The following LARP4 variants were observed in gnomAD, a reference collection of about 807,000 sequenced individuals.
LARP4 encodes La ribonucleoprotein 4.
A neutral mutation model predicts 92.9 loss-of-function variants in LARP4; 29 were observed. That is an observed-to-expected ratio of 0.31 (90% CI 0.23 to 0.43). LARP4 has a LOEUF of 0.43. Among genes scored for constraint, LARP4 ranks in the 20% least tolerant of loss-of-function variants. The pLI is 1.00. For missense variants in LARP4, 732 were observed against 860.0 expected (o/e 0.85, Z 1.86); for synonymous variants, 279 against 284.1 (o/e 0.98, Z 0.18).
chr12:50,472,358 A>C (rs534698846), intron 13 of LARP4, among the ~76,000 whole-genome samples: 1 of 152,304 alleles, frequency 6.6e-6, no homozygotes, highest in East Asian at 1.9e-4. Context: ...AGCAGCCACT[A>C]TTCTACTTTC....
At chr12:50,432,353 C>G (rs1043508911) in intron 4 of LARP4, among the ~76,000 whole-genome samples, 1 of 152,148 alleles carries the variant, frequency 6.6e-6, no homozygotes, top group African/African-American at 2.4e-5. Context: ...CAATCAGGAA[C>G]TGAGCTAGGT....
At chr12:50,446,388 T>TCCCCCCC (rs1952111199) in intron 8 of LARP4, among the ~76,000 whole-genome samples, 3 of 4,750 alleles carry the variant, frequency 6.3e-4, no homozygotes, top group Admixed American at 3.5e-3. Flanking sequence ...TCTCTCTCTC[T>TCCCCCCC]CTCTCTCTCT....
intron 4 of LARP4, among the ~76,000 whole-genome samples, chr12:50,431,988 A>G (rs1949727663): frequency 6.6e-6 from 1 of 152,164 alleles, no homozygotes; most frequent in South Asian, 2.1e-4. Flanking sequence ...AAATACAAAA[A>G]TTAGCGGGGT....
chr12:50,457,539 TG>T, intron 10 of LARP4, among the ~76,000 whole-genome samples: 1 of 152,134 alleles, frequency 6.6e-6, no homozygotes, highest in Admixed American at 6.5e-5. Context: ...TTATAGCCAG[TG>T]GGGTGGCTCA....
chr12:50,415,329 C>T (rs1401753417), intron 1 of LARP4, among the ~76,000 whole-genome samples: 1 of 152,066 alleles, frequency 6.6e-6, no homozygotes, highest in Non-Finnish European at 1.5e-5. Flanking sequence ...AGATCTTACA[C>T]TTTGAGTATT....
chr12:50,433,217 A>G (rs1949936026), intron 4 of LARP4, among the ~76,000 whole-genome samples: 1 of 150,886 alleles, frequency 6.6e-6, no homozygotes. Context: ...GGGGCATTTT[A>G]GTCATTTTGT....
chr12:50,448,583 G>T (rs917926388), intron 8 of LARP4, among the ~76,000 whole-genome samples: 11 of 152,090 alleles, frequency 7.2e-5, no homozygotes, highest in African/African-American at 2.7e-4. Context: ...CTGGAGTGAA[G>T]TGTGGTCTTG....
In LARP4 at chr12:50,467,010, T is replaced by A. The variant is rs1379165765; in HGVS notation, c.1435T>A (p.Leu479Ile). 1 of 1,613,576 alleles carries A rather than the reference T, an allele frequency of 6.2e-7. No homozygotes were observed. The highest frequency in any genetic ancestry group is 8.5e-7 in the Non-Finnish European group (1 of 1,179,784). The change falls in exon 13 of 16, where the codon TTA (leucine) becomes ATA (isoleucine). Residue 479 changes from leucine to isoleucine, a missense_variant. Physicochemically the swap from Leu to Ile is conservative, Grantham distance 5. Coordinates refer to ENST00000398473, the MANE Select transcript of LARP4 (RefSeq NM_052879.5). ...ESKAPTPKFD[L>I]LASNFPPLPG... The stretch of plus-strand genomic sequence containing the variant: ...AAAGGCTCCAACACCAAAGTTTGAC[T>A]TATTAGCCTCAAATTTTCCACCTTT...
At chr12:50,437,860 A>G in intron 6 of LARP4, 22 bp downstream of exon 6, 1 of 1,378,804 alleles carries the variant, frequency 7.3e-7, no homozygotes. Context: ...ATAATTGTTA[A>G]CACTAAATGT....
At chr12:50,422,803 T>C (rs1948036097) in intron 1 of LARP4, among the ~76,000 whole-genome samples, 1 of 141,380 alleles carries the variant, frequency 7.1e-6, no homozygotes, top group East Asian at 2.0e-4. Flanking sequence ...TTATTATTAT[T>C]ATTATTATTA....
rs1956265564 is a variant in LARP4 at position 50,467,267 on chromosome 12, T to G, written c.1545+147T>G. The G allele has an allele frequency of 1.8e-5, 10 of 565,190 alleles. No homozygotes were observed. The South Asian group carries it at 4.4e-4, about 25-fold the overall frequency. The allele number at this position is 565,190 out of a possible 1,614,324, so 35.0% of individuals were successfully genotyped here. A position where few individuals can be genotyped will look rare whatever the true frequency, so the allele number is the denominator to read the frequency against. On this transcript the variant is annotated intron_variant, in intron 13 of 15. Coordinates refer to ENST00000398473, the MANE Select transcript of LARP4 (RefSeq NM_052879.5). ...GTTTTCAGCATACTTAGAGTGTTTT[T>G]TTAAAGATTCATGATGAAGCTGCAC...
rs371625011 is a variant in LARP4 at position 50,453,665 on chromosome 12, C to T, written c.1010C>T (p.Thr337Ile). 52 of 1,578,262 alleles carry T rather than the reference C, an allele frequency of 3.3e-5. No individual in the cohort carries two copies. Among genetic ancestry groups the T allele is most frequent in the Non-Finnish European group, 4.3e-5 (49 of 1,149,802 alleles). ...CCAAATCCTACACCTTACTTTGAAA[C>T]ACCACTGGTAAGTGAGATCCTTACA... The part of the protein sequence containing the change: ...WSPNPTPYFE[T>I]PLAPFPNGSF... The change falls in exon 9 of 16, where the codon ACA (threonine) becomes ATA (isoleucine). Residue 337 changes from threonine (T) to isoleucine (I), a missense_variant. Thr to Ile is a moderately conservative substitution (Grantham distance 89). This residue lies in a region of LARP4 where 264 missense variants were observed against 269.5 expected (regional missense o/e 0.98). Transcript: ENST00000398473.
At chr12:50,471,027 G>A (rs563360275) in intron 13 of LARP4, among the ~76,000 whole-genome samples, 4 of 152,230 alleles carry the variant, frequency 2.6e-5, no homozygotes, top group African/African-American at 9.6e-5. Context: ...GGTGGGTCAT[G>A]CCTGTAATCC....
intron 13 of LARP4, among the ~76,000 whole-genome samples, chr12:50,468,058 C>A (rs1258697771): frequency 1.3e-5 from 2 of 152,012 alleles, no homozygotes; most frequent in Admixed American, 6.6e-5. Flanking sequence ...CTGCTCACTG[C>A]AACCTCCACC....
chr12:50,449,923 ATTTTTTTTTTTT>A (rs60763691), intron 8 of LARP4, among the ~76,000 whole-genome samples: 9 of 47,048 alleles, frequency 1.9e-4, no homozygotes, highest in Middle Eastern at 0.023. Context: ...AGCCATAGCA[ATTTTTTTTTTTT>A]TTTTTTTTTT....
At chr12:50,409,983 G>C (rs1592753769) in intron 1 of LARP4, among the ~76,000 whole-genome samples, 1 of 151,346 alleles carries the variant, frequency 6.6e-6, no homozygotes, top group African/African-American at 2.4e-5. Context: ...GTAGAGACGG[G>C]GTTTCTCCAT....
chr12:50,444,025 A>G (rs1951644832), intron 8 of LARP4, among the ~76,000 whole-genome samples: 1 of 152,122 alleles, frequency 6.6e-6, no homozygotes, highest in Non-Finnish European at 1.5e-5. Context: ...AGATCATTAC[A>G]TTTTCAAACA....
At chr12:50,432,723 G>T (rs533572092) in intron 4 of LARP4, among the ~76,000 whole-genome samples, 14 of 152,114 alleles carry the variant, frequency 9.2e-5, no homozygotes, top group Non-Finnish European at 1.8e-4. Context: ...AGCTGGGCAT[G>T]GTGGTATGCA....
rs1957775829 is a variant in LARP4, at chr12:50,479,918, T to G, written c.*4054T>G. 2.0e-5 allele frequency: 3 copies of G among 152,544 alleles called. No homozygotes were observed. Among genetic ancestry groups the G allele is most frequent in the Non-Finnish European group, 4.4e-5 (3 of 68,020 alleles). The allele number at this position is 152,544 out of a possible 1,614,324, so 9.4% of individuals were successfully genotyped here. A position where few individuals can be genotyped will look rare whatever the true frequency, so the allele number is the denominator to read the frequency against. ...TGCATAAAATGTTAAAATGAGTACA[T>G]CCTTGTATTTGTATTTGTTTTCAAC... On this transcript the variant is annotated 3_prime_UTR_variant, in exon 16 of 16. Transcript: ENST00000398473.
Sources: gnomAD v4.1 joint callset for allele counts (sites outside exome capture counted in the v4.1 genomes callset) on GRCh38, gnomAD v4.1.1 for gene constraint, gnomAD v4.1.1 regional missense constraint, MANE v1.5 for transcripts, NCBI Gene and HGNC (gene_info 2026-07-23, HGNC 2026-07-21) for gene names.